Variants in CSMD1 observed in about 807,000 individuals in gnomAD.
CSMD1 encodes the protein CUB and Sushi multiple domains 1.
CSMD1 carries 213 observed loss-of-function variants against 417.5 expected under a neutral mutation model. The observed-to-expected ratio is 0.51, with a 90% confidence interval of 0.46 to 0.57. CSMD1 has a LOEUF of 0.57. Ranked by LOEUF, CSMD1 falls within the 20% of genes least tolerant of loss-of-function variation. The pLI is 0.00. For synonymous variants in CSMD1, 2,862 were observed against 1,736.8 expected, an observed-to-expected ratio of 1.65 and a Z score of -16.11; for missense variants, 6,923 against 4,529.7, an observed-to-expected ratio of 1.53 and a Z score of -15.17.
chr8:4,334,646 C>T (rs112205937), intron 3 of CSMD1, among the ~76,000 whole-genome samples: 1 of 152,094 alleles, frequency 6.6e-6, no homozygotes, highest in South Asian at 2.1e-4. Context: ...TAGCTTTATA[C>T]CTTCTATGGT....
At chr8:4,556,129 G>T (rs1166560507) in intron 2 of CSMD1, among the ~76,000 whole-genome samples, 1 of 152,092 alleles carries the variant, frequency 6.6e-6, no homozygotes, top group African/African-American at 2.4e-5. Flanking sequence ...CAGACATTAA[G>T]ATTTAATAAG....
chr8:3,630,494 G>T (rs1052195268), intron 7 of CSMD1, among the ~76,000 whole-genome samples: 1 of 152,130 alleles, frequency 6.6e-6, no homozygotes, highest in South Asian at 2.1e-4. Flanking sequence ...AGATGAGAAG[G>T]TCCAATTTAT....
chr8:4,842,993 G>C (rs761081425), intron 1 of CSMD1, among the ~76,000 whole-genome samples: 5 of 152,152 alleles, frequency 3.3e-5, no homozygotes, highest in Non-Finnish European at 5.9e-5. Context: ...TTGTTGAATA[G>C]TCATCTAACA....
At chr8:4,240,286 C>A (rs1254238254) in intron 3 of CSMD1, among the ~76,000 whole-genome samples, 4 of 152,172 alleles carry the variant, frequency 2.6e-5, no homozygotes, top group Non-Finnish European at 5.9e-5. Flanking sequence ...CCTCTGATTG[C>A]TTTGACCCTT....
chr8:3,998,770 G>A (rs1815425741), intron 4 of CSMD1, among the ~76,000 whole-genome samples: 1 of 151,646 alleles, frequency 6.6e-6, no homozygotes, highest in Non-Finnish European at 1.5e-5. Context: ...TGGTTAGAAA[G>A]GAAACAGATC....
chr8:2,994,357 G>A (rs1806686276), intron 54 of CSMD1, among the ~76,000 whole-genome samples: 2 of 152,176 alleles, frequency 1.3e-5, no homozygotes, highest in South Asian at 2.1e-4. Flanking sequence ...ACATTGCCTT[G>A]CAGTGGGTGG....
At chr8:3,888,542 G>A (rs1001899377) in intron 5 of CSMD1, among the ~76,000 whole-genome samples, 1 of 152,156 alleles carries the variant, frequency 6.6e-6, no homozygotes, top group Non-Finnish European at 1.5e-5. Context: ...ACCTTGTCAT[G>A]CCTCTTGTAT....
At chr8:3,131,315 C>T (rs1477276725) in intron 41 of CSMD1, among the ~76,000 whole-genome samples, 2 of 149,704 alleles carry the variant, frequency 1.3e-5, no homozygotes, top group Non-Finnish European at 3.0e-5. Flanking sequence ...ACACAATGTG[C>T]ACATGTACCC....
At chr8:3,787,201 T>C (rs1799498094) in intron 5 of CSMD1, among the ~76,000 whole-genome samples, 1 of 152,176 alleles carries the variant, frequency 6.6e-6, no homozygotes, top group Admixed American at 6.5e-5. Flanking sequence ...TCCAGAATTT[T>C]GTATTCCTAT....
chr8:4,031,743 G>T (rs377264854), intron 4 of CSMD1, among the ~76,000 whole-genome samples, 162 bp downstream of exon 4: 2 of 152,202 alleles, frequency 1.3e-5, no homozygotes, highest in African/African-American at 2.4e-5. Context: ...TTCTTACATA[G>T]TAATAACATG....
At chr8:3,875,834 T>A (rs1027737958) in intron 5 of CSMD1, among the ~76,000 whole-genome samples, 1 of 152,166 alleles carries the variant, frequency 6.6e-6, no homozygotes, top group African/African-American at 2.4e-5. Context: ...AATTTGCAGA[T>A]CAATCAAGGA....
intron 7 of CSMD1, among the ~76,000 whole-genome samples, chr8:3,664,150 T>C (rs1261161185): frequency 6.6e-6 from 1 of 152,166 alleles, no homozygotes; most frequent in Non-Finnish European, 1.5e-5. Context: ...TCATTTAACA[T>C]TAGGTATTTC....
chr8:4,380,245 T>C (rs1234987165), intron 3 of CSMD1, among the ~76,000 whole-genome samples: 1 of 152,136 alleles, frequency 6.6e-6, no homozygotes, highest in East Asian at 1.9e-4. Context: ...AACCTTGCAG[T>C]GGACAAGCCT....
intron 5 of CSMD1, among the ~76,000 whole-genome samples, chr8:3,832,414 A>G (rs1240527704): frequency 1.3e-5 from 2 of 152,134 alleles, no homozygotes; most frequent in Non-Finnish European, 2.9e-5. Flanking sequence ...AAACTACTAT[A>G]TTTCTCTGAA....
intron 3 of CSMD1, among the ~76,000 whole-genome samples, chr8:4,394,771 C>T (rs987483945): frequency 2.0e-5 from 3 of 152,138 alleles, no homozygotes; most frequent in Non-Finnish European, 4.4e-5. Flanking sequence ...CCATCTGCAC[C>T]TTCCTGTTGA....
At chr8:4,770,759 A>C (rs753291806) in intron 1 of CSMD1, among the ~76,000 whole-genome samples, 10 of 152,170 alleles carry the variant, frequency 6.6e-5, no homozygotes, top group Non-Finnish European at 1.3e-4. Context: ...AGATTTTCTC[A>C]TGCAAAAGAA....
intron 3 of CSMD1, among the ~76,000 whole-genome samples, chr8:4,142,781 C>T (rs996093788): frequency 6.6e-6 from 1 of 150,982 alleles, no homozygotes. Flanking sequence ...GCAAAACAGG[C>T]TTCAACAAAG....
chr8:3,766,923 AT>A (rs1226449745), intron 5 of CSMD1, among the ~76,000 whole-genome samples: 1 of 152,166 alleles, frequency 6.6e-6, no homozygotes, highest in East Asian at 1.9e-4. Context: ...CTGGTAAGAT[AT>A]CCAACGAGTC....
intron 2 of CSMD1, among the ~76,000 whole-genome samples, chr8:4,615,370 T>C (rs1801416248): frequency 6.6e-6 from 1 of 152,172 alleles, no homozygotes; most frequent in South Asian, 2.1e-4. Flanking sequence ...GTGTTTCTTC[T>C]TATCTTAACA....
Sources: allele counts gnomAD v4.1 joint callset (sites outside exome capture counted in the v4.1 genomes callset), GRCh38; gene constraint gnomAD v4.1.1; transcripts MANE v1.5; gene names NCBI Gene and HGNC (gene_info 2026-07-23, HGNC 2026-07-21).